Variants in TYW1B observed in about 807,000 individuals in gnomAD.
The protein encoded by TYW1B is tRNA-yW synthesizing protein 1 homolog B.
TYW1B carries 73 observed loss-of-function variants against 86.9 expected under a neutral mutation model. The observed-to-expected ratio is 0.84, with a 90% CI of 0.70 to 1.02. The LOEUF is 1.02. TYW1B is among the 50% of genes least tolerant of loss of function. TYW1B has a pLI of 0.00. For synonymous variants in TYW1B, 248 were observed against 292.8 expected (o/e 0.85, Z 1.56); for missense variants, 637 against 827.4 (o/e 0.77, Z 2.82).
At chr7:72,718,300 T>C (rs1314753423) in intron 9 of TYW1B, among the ~76,000 whole-genome samples, 1 of 152,052 alleles carries the variant, frequency 6.6e-6, no homozygotes, top group African/African-American at 2.4e-5. Context: ...ATGGAAATAA[T>C]AGAGACTAGA....
intron 7 of TYW1B, among the ~76,000 whole-genome samples, chr7:72,772,129 G>A (rs190914401): frequency 5.3e-5 from 8 of 151,622 alleles, no homozygotes; most frequent in East Asian, 3.9e-4. Flanking sequence ...CATTACAAGC[G>A]TGAGCCACCA....
At chr7:72,716,340 C>A (rs534925508) in intron 9 of TYW1B, among the ~76,000 whole-genome samples, 1 of 152,164 alleles carries the variant, frequency 6.6e-6, no homozygotes, top group African/African-American at 2.4e-5. Flanking sequence ...AAGGCCTTAG[C>A]GGAGTGTCTG....
intron 10 of TYW1B, among the ~76,000 whole-genome samples, chr7:72,710,276 C>T (rs1341646101): frequency 1.3e-5 from 2 of 151,982 alleles, no homozygotes; most frequent in Non-Finnish European, 2.9e-5. Flanking sequence ...ATGCATATAC[C>T]CCAAACACCA....
In TYW1B at chr7:72,599,129, A is replaced by G. The variant is rs141814512; in HGVS notation, c.1785+17543T>C. On this transcript the variant is annotated intron_variant, in intron 13 of 13. Transcript: ENST00000620995. ...CAATAATTGCCATAAACACAGATGTAAAATCAATAAAATGTTAGCAAATCA... is the reference window on the plus strand; with the variant it reads ...CAATAATTGCCATAAACACAGATGTGAAATCAATAAAATGTTAGCAAATCA... 5.7e-3 allele frequency among the ~76,000 whole-genome samples: 868 copies of G among 152,338 alleles called. 2 individuals carry two copies. Among genetic ancestry groups the G allele is most frequent in the African/African-American group, 0.02 (823 of 41,580 alleles).
intron 11 of TYW1B, among the ~76,000 whole-genome samples, chr7:72,642,900 CAA>C (rs74851809): frequency 6.7e-6 from 1 of 150,274 alleles, no homozygotes; most frequent in Non-Finnish European, 1.5e-5. Flanking sequence ...GACTCCGTCT[CAA>C]AAAAAAAGAT....
chr7:72,648,753 A>C (rs1812992939), intron 11 of TYW1B, among the ~76,000 whole-genome samples: 1 of 152,110 alleles, frequency 6.6e-6, no homozygotes. Context: ...CCACCCGGCA[A>C]CTTGGTTAGT....
chr7:72,675,415 G>T (rs1195661476), intron 11 of TYW1B, among the ~76,000 whole-genome samples: 1 of 151,752 alleles, frequency 6.6e-6, no homozygotes, highest in Non-Finnish European at 1.5e-5. Flanking sequence ...ATTAAAAAAA[G>T]AAAACAGGAA....
Position 72,783,258 on chromosome 7 carries a change from C to G in TYW1B, c.847-5725G>C, listed in dbSNP as rs567540894. On this transcript the variant is annotated intron_variant, in intron 6 of 13. Transcript: ENST00000620995. The stretch of plus-strand genomic sequence containing the variant: ...TCTGAAAATACAAAAATTAGCCGGG[C>G]GTGGTGGCATGCGCTTGTGGTCCCA... 1.5e-3 allele frequency among the ~76,000 whole-genome samples: 222 copies of G among 151,478 alleles called. 3 individuals carry two copies. The highest frequency in any genetic ancestry group is 3.7e-4 in the Non-Finnish European group (25 of 67,904).
intron 11 of TYW1B, among the ~76,000 whole-genome samples, chr7:72,654,877 T>A (rs1366711104): frequency 1.3e-5 from 2 of 152,092 alleles, no homozygotes; most frequent in Non-Finnish European, 2.9e-5. Flanking sequence ...AGAGACTCCA[T>A]CTCAAAAAAT....
At chr7:72,798,408 C>T (rs1269473195) in intron 6 of TYW1B, among the ~76,000 whole-genome samples, 6 of 151,870 alleles carry the variant, frequency 4.0e-5, no homozygotes, top group Admixed American at 6.6e-5. Context: ...AAAAATAAGT[C>T]GATATCAGCC....
At chr7:72,719,825 G>C (rs1786862953) in intron 9 of TYW1B, among the ~76,000 whole-genome samples, 1 of 152,088 alleles carries the variant, frequency 6.6e-6, no homozygotes, top group African/African-American at 2.4e-5. Flanking sequence ...GGGCAAAGAC[G>C]GAAGAGCATT....
At chr7:72,670,914 T>A (rs1385422762) in intron 11 of TYW1B, among the ~76,000 whole-genome samples, 1 of 152,238 alleles carries the variant, frequency 6.6e-6, no homozygotes, top group Admixed American at 6.5e-5. Context: ...TGTATTTTTA[T>A]TTTTATGATG....
chr7:72,580,786 G>A (rs1278923393), intron 13 of TYW1B, among the ~76,000 whole-genome samples: 1 of 151,638 alleles, frequency 6.6e-6, no homozygotes, highest in Non-Finnish European at 1.5e-5. Flanking sequence ...CCACTAAAAT[G>A]ACAGTAAGAA....
intron 13 of TYW1B, among the ~76,000 whole-genome samples, chr7:72,595,945 G>A (rs561211284): frequency 4.6e-5 from 7 of 151,998 alleles, no homozygotes; most frequent in Admixed American, 1.3e-4. Flanking sequence ...GGAGGCCAAG[G>A]CAGGGAGATC....
At chr7:72,624,543 C>T (rs1478862414) in intron 12 of TYW1B, among the ~76,000 whole-genome samples, 1 of 152,140 alleles carries the variant, frequency 6.6e-6, no homozygotes, top group Non-Finnish European at 1.5e-5. Flanking sequence ...GTAAATATCC[C>T]TTTTGCGACT....
intron 11 of TYW1B, among the ~76,000 whole-genome samples, chr7:72,680,613 T>C (rs1187744711): frequency 6.6e-6 from 1 of 152,192 alleles, no homozygotes; most frequent in Non-Finnish European, 1.5e-5. Context: ...GGACTTCACC[T>C]TGTGATAGTG....
intron 9 of TYW1B, among the ~76,000 whole-genome samples, chr7:72,723,824 A>G (rs1352590379): frequency 6.6e-6 from 1 of 152,072 alleles, no homozygotes; most frequent in Non-Finnish European, 1.5e-5. Context: ...AACAGAAAAT[A>G]TAATCAATAT....
intron 10 of TYW1B, among the ~76,000 whole-genome samples, chr7:72,709,597 G>A (rs1563067123): frequency 2.0e-5 from 3 of 152,184 alleles, no homozygotes; most frequent in African/African-American, 4.8e-5. Context: ...GAACCCTGGA[G>A]GCGGAGCTTG....
intron 11 of TYW1B, among the ~76,000 whole-genome samples, chr7:72,655,948 G>A (rs1277990245): frequency 6.6e-6 from 1 of 152,098 alleles, no homozygotes; most frequent in Non-Finnish European, 1.5e-5. Flanking sequence ...CACTGCCTGG[G>A]GCCTAAGAAC....
Sources: gnomAD v4.1 joint callset for allele counts (sites outside exome capture counted in the v4.1 genomes callset) on GRCh38, gnomAD v4.1.1 for gene constraint, MANE v1.5 for transcripts, NCBI Gene and HGNC (gene_info 2026-07-23, HGNC 2026-07-21) for gene names.